PCDH15: variants seen among roughly 807,000 people sequenced by gnomAD.
PCDH15 encodes the protein protocadherin-15.
Under a neutral mutation model 178.5 loss-of-function variants are expected in PCDH15, and 129 were observed. That is an observed-to-expected ratio of 0.72 (90% CI 0.63 to 0.84). PCDH15 has a LOEUF of 0.84. Ranked by LOEUF, PCDH15 falls within the 40% of genes least tolerant of loss-of-function variation. PCDH15 has a pLI of 0.00. For missense variants in PCDH15, 2,230 were observed against 2,099.9 expected (o/e 1.06, Z -1.21); for synonymous variants, 800 against 732.0 (o/e 1.09, Z -1.50).
chr10:55,206,539 A>T (rs1591989252), intron 1 of PCDH15, among the ~76,000 whole-genome samples: 1 of 152,236 alleles, frequency 6.6e-6, no homozygotes, highest in African/African-American at 2.4e-5. Flanking sequence ...GGACTAAAGT[A>T]AAAAGAATTT....
intron 3 of PCDH15, among the ~76,000 whole-genome samples, chr10:54,476,452 T>C (rs1310925527): frequency 3.9e-5 from 6 of 152,072 alleles, no homozygotes; most frequent in Admixed American, 1.3e-4. Context: ...TAACTTTTTT[T>C]CCCCAGTGAA....
intron 28 of PCDH15, among the ~76,000 whole-genome samples, chr10:53,855,993 G>A (rs1280446133): frequency 6.8e-6 from 1 of 148,006 alleles, no homozygotes; most frequent in East Asian, 2.2e-4. Context: ...TGCCATTATT[G>A]GAGACCATTA....
intron 1 of PCDH15, among the ~76,000 whole-genome samples, chr10:55,253,108 T>C (rs1841885434): frequency 6.6e-6 from 1 of 152,064 alleles, no homozygotes; most frequent in South Asian, 2.1e-4. Flanking sequence ...TTTCAATTAT[T>C]TGTAGAGTCA....
chr10:54,459,515 A>G (rs2136429308), intron 3 of PCDH15, among the ~76,000 whole-genome samples: 1 of 152,180 alleles, frequency 6.6e-6, no homozygotes, highest in South Asian at 2.1e-4. Flanking sequence ...TTTGCAGTAT[A>G]AAATTCTTAG....
chr10:55,388,186 C>T (rs917121146), intron 2 of PCDH15, among the ~76,000 whole-genome samples: 1 of 152,016 alleles, frequency 6.6e-6, no homozygotes, highest in African/African-American at 2.4e-5. Flanking sequence ...CACCGCTTCA[C>T]AAATATCAGT....
chr10:55,382,291 A>C (rs1446182689), intron 2 of PCDH15, among the ~76,000 whole-genome samples: 1 of 152,154 alleles, frequency 6.6e-6, no homozygotes. Context: ...CGATCATGTT[A>C]TATTGCATGG....
intron 3 of PCDH15, among the ~76,000 whole-genome samples, chr10:54,415,310 A>G (rs1473440216): frequency 2.6e-5 from 4 of 152,082 alleles, no homozygotes. Context: ...ACTATGAAAC[A>G]AAAGTTTCAA....
At chr10:54,163,086 G>A (rs1486872409) in intron 13 of PCDH15, among the ~76,000 whole-genome samples, 1 of 152,064 alleles carries the variant, frequency 6.6e-6, no homozygotes, top group African/African-American at 2.4e-5. Flanking sequence ...CAATTATAAG[G>A]ATCCTTTTGC....
intron 8 of PCDH15, among the ~76,000 whole-genome samples, chr10:54,248,926 A>G (rs578089329): frequency 4.6e-5 from 7 of 152,134 alleles, no homozygotes; most frequent in African/African-American, 1.7e-4. Flanking sequence ...AAATCGCCTT[A>G]AAAATGGAGG....
intron 37 of PCDH15, chr10:53,809,200 C>G: frequency 6.2e-7 from 1 of 1,613,958 alleles, no homozygotes; most frequent in Non-Finnish European, 8.5e-7. Flanking sequence ...CTCAGACTCA[C>G]TGAACTCAGA....
At chr10:54,781,380 A>T (rs1162175994) in intron 1 of PCDH15, among the ~76,000 whole-genome samples, 1 of 152,054 alleles carries the variant, frequency 6.6e-6, no homozygotes. Context: ...GTACTCACAA[A>T]ATTTAATACA....
intron 2 of PCDH15, among the ~76,000 whole-genome samples, chr10:54,938,776 C>T (rs1041606526): frequency 1.3e-5 from 2 of 152,098 alleles, no homozygotes; most frequent in African/African-American, 4.8e-5. Context: ...TGCAATCTAA[C>T]CACACGGATC....
At chr10:54,705,414 A>G (rs2095355782) in intron 1 of PCDH15, among the ~76,000 whole-genome samples, 1 of 152,174 alleles carries the variant, frequency 6.6e-6, no homozygotes, top group African/African-American at 2.4e-5. Context: ...AAGAATAGTT[A>G]GAATGCCTGG....
chr10:54,431,995 AC>A (rs1327271219), intron 3 of PCDH15, among the ~76,000 whole-genome samples: 5 of 152,038 alleles, frequency 3.3e-5, no homozygotes, highest in African/African-American at 1.2e-4. Context: ...AAAATAATAT[AC>A]CTAAGAATTA....
chr10:55,374,169 G>A (rs2131992895), intron 2 of PCDH15, among the ~76,000 whole-genome samples: 1 of 151,924 alleles, frequency 6.6e-6, no homozygotes, highest in East Asian at 1.9e-4. Context: ...AAGAGATACA[G>A]TCTGTGCTGG....
In PCDH15 at chr10:54,153,256, T is replaced by A. The variant is rs1460896828; in HGVS notation, c.1628A>T (p.Glu543Val). 6 of 1,613,796 alleles carry A rather than the reference T, an allele frequency of 3.7e-6. No individual in the cohort carries two copies. Among genetic ancestry groups the A allele is most frequent in the Non-Finnish European group, 5.1e-6 (6 of 1,179,850 alleles). Residue 543 changes from glutamate to valine, a missense_variant, in exon 14 of 38, where the codon GAG (glutamate) becomes GTG (valine). Transcript: ENST00000644397. Reference protein sequence around the residue: ...AVDADEGSNGEITYEILVGAQ... With the variant: ...AVDADEGSNGVITYEILVGAQ... ...CCCAACAAGGATTTCATATGTGATC[T>A]CCCCATTTGACCCTTCGTCTGCGTC...
chr10:55,050,200 G>A (rs566363358), intron 2 of PCDH15, among the ~76,000 whole-genome samples: 2 of 151,848 alleles, frequency 1.3e-5, no homozygotes, highest in East Asian at 1.9e-4. Context: ...AGTTTTTCCT[G>A]AGCTTTCAGG....
chr10:55,108,502 T>G (rs1837415548), intron 2 of PCDH15, among the ~76,000 whole-genome samples: 1 of 152,116 alleles, frequency 6.6e-6, no homozygotes, highest in Admixed American at 6.5e-5. Flanking sequence ...TGTGTATTGA[T>G]AGGAACACAG....
At chr10:54,248,961 G>A (rs981053586) in intron 8 of PCDH15, among the ~76,000 whole-genome samples, 4 of 151,838 alleles carry the variant, frequency 2.6e-5, no homozygotes, top group African/African-American at 9.7e-5. Context: ...AAACTGAGTT[G>A]CCAATGAAAA....
Sources: allele counts gnomAD v4.1 joint callset (sites outside exome capture counted in the v4.1 genomes callset), GRCh38; gene constraint gnomAD v4.1.1; transcripts MANE v1.5; gene names NCBI Gene and HGNC (gene_info 2026-07-23, HGNC 2026-07-21).